The following TBC1D5 variants were observed in gnomAD, a reference collection of about 807,000 sequenced individuals.
TBC1D5 encodes the protein TBC1 domain family member 5, also known as TBC1 domain family, member 5.
TBC1D5 carries 75 observed loss-of-function variants against 100.3 expected under a neutral mutation model. That is an observed-to-expected ratio of 0.75 (90% CI 0.62 to 0.91). The LOEUF is 0.91. Among genes scored for constraint, TBC1D5 ranks in the 40% least tolerant of loss-of-function variants. The probability of loss-of-function intolerance (pLI) is 0.00; values close to 1 mark genes in which losing one functional copy is unlikely to be tolerated. For synonymous variants in TBC1D5, 323 were observed against 325.6 expected (o/e 0.99, Z 0.09); for missense variants, 910 against 942.4 (o/e 0.97, Z 0.45).
At chr3:17,652,335 ATAAAT>A (rs2065658344) in intron 1 of TBC1D5, among the ~76,000 whole-genome samples, 3 of 152,180 alleles carry the variant, frequency 2.0e-5, no homozygotes. Context: ...TCATATGAAA[ATAAAT>A]TATTTATAAA....
At chr3:17,478,271 A>G (rs1238256711) in intron 3 of TBC1D5, among the ~76,000 whole-genome samples, 1 of 152,144 alleles carries the variant, frequency 6.6e-6, no homozygotes, top group Non-Finnish European at 1.5e-5. Context: ...AAATATTTAC[A>G]TATCATAAAT....
intron 13 of TBC1D5, among the ~76,000 whole-genome samples, chr3:17,351,933 T>C (rs2090633433): frequency 1.4e-5 from 2 of 146,918 alleles, no homozygotes; most frequent in African/African-American, 5.3e-5. Context: ...GAATCCGTTT[T>C]TTTTTCCCCC....
chr3:17,730,673 T>A (rs1354040504), intron 1 of TBC1D5, among the ~76,000 whole-genome samples: 3 of 152,178 alleles, frequency 2.0e-5, no homozygotes, highest in Admixed American at 2.0e-4. Flanking sequence ...AAATAAATAT[T>A]ACTGTTGTTT....
In TBC1D5 at chr3:17,522,234, T is replaced by C. The variant is rs1490348727; in HGVS notation, c.-35-13629A>G. ...ATCCACGTTGACTGTAATGGTTCCA[T>C]TTTTTTCATAAAAGAGATTTGTACA... On this transcript the variant is annotated intron_variant, in intron 2 of 21. Transcript: ENST00000253692. 2.0e-5 allele frequency among the ~76,000 whole-genome samples: 3 copies of C among 152,220 alleles called. No homozygotes were observed. The East Asian group carries it at 5.8e-4, about 29-fold the overall frequency.
intron 2 of TBC1D5, among the ~76,000 whole-genome samples, chr3:17,594,073 C>T (rs751604501): frequency 3.9e-5 from 6 of 152,126 alleles, no homozygotes; most frequent in Non-Finnish European, 5.9e-5. Context: ...GAGGTAGGAA[C>T]GATGGCACCA....
At chr3:17,540,763 C>T (rs564820809) in intron 2 of TBC1D5, among the ~76,000 whole-genome samples, 45 of 151,454 alleles carry the variant, frequency 3.0e-4, no homozygotes, top group Admixed American at 2.0e-3. Context: ...AAAAATTAGC[C>T]GGGCATGATG....
chr3:17,304,136 C>T (rs1174160099), intron 14 of TBC1D5, among the ~76,000 whole-genome samples: 1 of 152,164 alleles, frequency 6.6e-6, no homozygotes, highest in Non-Finnish European at 1.5e-5. Flanking sequence ...GCTTTTCATT[C>T]CTGTTCCACA....
exon 22 of TBC1D5, chr3:17,159,957 A>ACTT (rs2065895220): frequency 6.6e-6 from 1 of 152,216 alleles, no homozygotes; most frequent in African/African-American, 2.4e-5. Context: ...AGGGATTCTG[A>ACTT]CTTTGGGTGG....
intron 7 of TBC1D5, 42 bp downstream of exon 7, chr3:17,404,652 A>G (rs1470689356): frequency 1.3e-6 from 2 of 1,527,056 alleles, no homozygotes; most frequent in Non-Finnish European, 1.8e-6. Flanking sequence ...ACATATTCTT[A>G]GCAGCAAAAG....
intron 17 of TBC1D5, among the ~76,000 whole-genome samples, chr3:17,229,811 G>T (rs1043497956): frequency 6.6e-6 from 1 of 152,130 alleles, no homozygotes; most frequent in Non-Finnish European, 1.5e-5. Context: ...TCTCATAAGG[G>T]TTGTGCCAAG....
intron 1 of TBC1D5, among the ~76,000 whole-genome samples, chr3:17,731,108 T>G (rs967426966): frequency 6.6e-6 from 1 of 152,124 alleles, no homozygotes; most frequent in Non-Finnish European, 1.5e-5. Flanking sequence ...GAAAAACTAC[T>G]CTGTGCCCAA....
At chr3:17,258,401 T>C (rs2077939215) in intron 16 of TBC1D5, 105 bp downstream of exon 16, 4 of 1,064,458 alleles carry the variant, frequency 3.8e-6, no homozygotes, top group Admixed American at 2.1e-5. Context: ...CTTATGTACA[T>C]ATGCTAAAAT....
chr3:17,712,562 A>G (rs1248987310), intron 1 of TBC1D5, among the ~76,000 whole-genome samples: 1 of 152,202 alleles, frequency 6.6e-6, no homozygotes, highest in Non-Finnish European at 1.5e-5. Context: ...TAAATTGTTG[A>G]AAACTACTTA....
At chr3:17,611,384 A>G (rs1456450854) in intron 2 of TBC1D5, among the ~76,000 whole-genome samples, 2 of 152,184 alleles carry the variant, frequency 1.3e-5, no homozygotes, top group African/African-American at 2.4e-5. Flanking sequence ...ATAGAGTTTA[A>G]AAGAAGAGAG....
chr3:17,607,634 A>C (rs2061412661), intron 2 of TBC1D5, among the ~76,000 whole-genome samples: 1 of 152,006 alleles, frequency 6.6e-6, no homozygotes, highest in South Asian at 2.1e-4. Flanking sequence ...CTGACTTCTG[A>C]AGAGATGCAA....
chr3:17,224,064 T>G (rs2074582509), intron 17 of TBC1D5, among the ~76,000 whole-genome samples: 1 of 152,224 alleles, frequency 6.6e-6, no homozygotes, highest in Non-Finnish European at 1.5e-5. Context: ...TTCTATCCAA[T>G]TTTTAGGATA....
intron 2 of TBC1D5, among the ~76,000 whole-genome samples, chr3:17,564,990 T>G (rs2096584742): frequency 7.3e-6 from 1 of 136,828 alleles, no homozygotes; most frequent in African/African-American, 3.0e-5. Context: ...TAAACTTAGG[T>G]TTTTCTACTA....
At chr3:17,584,815 C>T (rs1267372223) in intron 2 of TBC1D5, among the ~76,000 whole-genome samples, 2 of 152,156 alleles carry the variant, frequency 1.3e-5, no homozygotes, top group African/African-American at 4.8e-5. Flanking sequence ...TGACATGACG[C>T]CCAGCTAGTT....
At chr3:17,733,614 T>C (rs2076738131) in intron 1 of TBC1D5, among the ~76,000 whole-genome samples, 1 of 152,144 alleles carries the variant, frequency 6.6e-6, no homozygotes, top group Non-Finnish European at 1.5e-5. Flanking sequence ...TAGAGATCAT[T>C]TGGTAGAGTG....
Sources: allele counts gnomAD v4.1 joint callset (sites outside exome capture counted in the v4.1 genomes callset), GRCh38; gene constraint gnomAD v4.1.1; transcripts MANE v1.5; gene names NCBI Gene and HGNC (gene_info 2026-07-23, HGNC 2026-07-21).